The following TMEM217 variants were observed in gnomAD, a reference collection of about 807,000 sequenced individuals.
TMEM217 encodes the protein chromosome 6 open reading frame 128.
For missense variants in TMEM217, 204 were observed against 248.8 expected, an observed-to-expected ratio of 0.82 and a Z score of 1.21; for synonymous variants, 76 against 88.3, an observed-to-expected ratio of 0.86 and a Z score of 0.78.
At chr6:37,226,589 G>A (rs919471287) in intron 1 of TMEM217, among the ~76,000 whole-genome samples, 38 of 146,392 alleles carry the variant, frequency 2.6e-4, no homozygotes, top group Middle Eastern at 4.3e-3. Context: ...GAGCCACTGC[G>A]CCCGGCCGAG....
exon 2 of TMEM217, chr6:37,217,645 A>G (rs893549658): frequency 2.0e-6 from 2 of 985,204 alleles, no homozygotes; most frequent in East Asian, 1.1e-4. Flanking sequence ...TGAAGGATGA[A>G]TTTTCTCTAT....
downstream of TMEM217, among the ~76,000 whole-genome samples, chr6:37,217,482 A>G (rs1223785425): frequency 2.0e-5 from 3 of 152,246 alleles, no homozygotes; most frequent in Non-Finnish European, 4.4e-5. Flanking sequence ...TTTTGTATAC[A>G]GTATATACAC....
At chr6:37,218,809 G>A in exon 2 of TMEM217, 2 of 1,614,214 alleles carry the variant, frequency 1.2e-6, no homozygotes, top group Non-Finnish European at 1.7e-6. Context: ...TGAGGATGGT[G>A]ATGAAAGACA....
chr6:37,249,506 A>T (rs550445751), intron 1 of TMEM217, among the ~76,000 whole-genome samples: 9 of 152,212 alleles, frequency 5.9e-5, no homozygotes, highest in African/African-American at 2.2e-4. Context: ...ATTTTAGTGG[A>T]GACGGGGTTT....
At chr6:37,250,690 C>A (rs1032137626) in intron 1 of TMEM217, among the ~76,000 whole-genome samples, 1 of 152,230 alleles carries the variant, frequency 6.6e-6, no homozygotes, top group African/African-American at 2.4e-5. Context: ...CTCTCTCAGG[C>A]GTGCGTGTGC....
At chr6:37,213,817 C>T (rs1234495721), downstream of TMEM217, among the ~76,000 whole-genome samples, 1 of 152,228 alleles carries the variant, frequency 6.6e-6, no homozygotes, top group Non-Finnish European at 1.5e-5. Flanking sequence ...TTCTTACTGG[C>T]TCCCAATTCA....
chr6:37,244,681 A>T (rs1764961338), intron 1 of TMEM217, among the ~76,000 whole-genome samples: 1 of 152,246 alleles, frequency 6.6e-6, no homozygotes, highest in African/African-American at 2.4e-5. Flanking sequence ...TGTCACAATA[A>T]CATCACATAA....
At chr6:37,245,695 C>CAGG (rs988962091) in intron 1 of TMEM217, among the ~76,000 whole-genome samples, 4 of 151,402 alleles carry the variant, frequency 2.6e-5, no homozygotes, top group African/African-American at 7.3e-5. Flanking sequence ...AGAGGAGGAG[C>CAGG]AGGAGGAGGA....
chr6:37,212,650 A>G (rs1247078607), downstream of TMEM217: 1 of 557,060 alleles, frequency 1.8e-6, no homozygotes, highest in Non-Finnish European at 3.4e-6. Context: ...GATCCCGTTG[A>G]GGAGCAGGAC....
intron 1 of TMEM217, among the ~76,000 whole-genome samples, chr6:37,237,061 AT>A (rs1414249082): frequency 1.8e-4 from 28 of 152,054 alleles, no homozygotes; most frequent in Non-Finnish European, 1.5e-5. Flanking sequence ...ACCTTTTCTT[AT>A]TCTAGCCTCA....
chr6:37,224,734 G>C (rs1440369777), intron 1 of TMEM217, among the ~76,000 whole-genome samples: 1 of 152,128 alleles, frequency 6.6e-6, no homozygotes, highest in Non-Finnish European at 1.5e-5. Flanking sequence ...GGGATTACAG[G>C]AGTGAGCCAC....
At chr6:37,253,802 C>T (rs988735845) in intron 1 of TMEM217, among the ~76,000 whole-genome samples, 3 of 152,196 alleles carry the variant, frequency 2.0e-5, no homozygotes, top group Non-Finnish European at 4.4e-5. Flanking sequence ...TGACTTTCCT[C>T]CTATAGTTCT....
chr6:37,228,410 AAAT>A (rs996418971), intron 1 of TMEM217, among the ~76,000 whole-genome samples: 3 of 152,250 alleles, frequency 2.0e-5, no homozygotes, highest in African/African-American at 7.2e-5. Context: ...CCATCTCAAA[AAAT>A]AATAATAAGG....
chr6:37,235,068 A>AT (rs1764418613), intron 1 of TMEM217, among the ~76,000 whole-genome samples: 1 of 152,194 alleles, frequency 6.6e-6, no homozygotes, highest in Non-Finnish European at 1.5e-5. Context: ...CAAAATGGTT[A>AT]AAGCTGGCAA....
intron 1 of TMEM217, among the ~76,000 whole-genome samples, chr6:37,227,363 C>T (rs1763895873): frequency 6.6e-6 from 1 of 152,190 alleles, no homozygotes; most frequent in Non-Finnish European, 1.5e-5. Flanking sequence ...CCTAGTTCTT[C>T]TCCTTCCTTC....
At chr6:37,231,219 C>T (rs1764185873) in intron 1 of TMEM217, among the ~76,000 whole-genome samples, 1 of 140,282 alleles carries the variant, frequency 7.1e-6, no homozygotes, top group Non-Finnish European at 1.5e-5. Flanking sequence ...GCCACCATGC[C>T]TGGCTAATTT....
downstream of TMEM217, among the ~76,000 whole-genome samples, chr6:37,216,231 A>C (rs1763198616): frequency 6.6e-6 from 1 of 152,136 alleles, no homozygotes; most frequent in Non-Finnish European, 1.5e-5. Context: ...GGTGCCTGCC[A>C]CTATACCCGC....
At chr6:37,251,196 T>C (rs1418166191) in intron 1 of TMEM217, among the ~76,000 whole-genome samples, 2 of 152,204 alleles carry the variant, frequency 1.3e-5, no homozygotes, top group South Asian at 2.1e-4. Flanking sequence ...TTGTTTTTTA[T>C]TTTTTCATGT....
At chr6:37,213,939 C>T (rs1371068442), downstream of TMEM217, among the ~76,000 whole-genome samples, 2 of 152,174 alleles carry the variant, frequency 1.3e-5, no homozygotes, top group African/African-American at 2.4e-5. Flanking sequence ...CAGGGCTGTC[C>T]TCAGGCTGAC....
Sources: gnomAD v4.1 joint callset for allele counts (sites outside exome capture counted in the v4.1 genomes callset) on GRCh38, gnomAD v4.1.1 for gene constraint, MANE v1.5 for transcripts, NCBI Gene and HGNC (gene_info 2026-07-23, HGNC 2026-07-21) for gene names.